MEGF9: variants seen among roughly 807,000 people sequenced by gnomAD.
MEGF9 encodes multiple epidermal growth factor-like domains protein 9.
Under a neutral mutation model 46.8 loss-of-function variants are expected in MEGF9, and 6 were observed. That is an observed-to-expected ratio of 0.13 (90% CI 0.07 to 0.25). MEGF9 has a LOEUF of 0.25. MEGF9 is among the 10% of genes least tolerant of loss of function. The probability of loss-of-function intolerance (pLI) is 1.00; values close to 1 mark genes in which losing one functional copy is unlikely to be tolerated. For synonymous variants in MEGF9, 302 were observed against 330.7 expected (o/e 0.91, Z 0.94); for missense variants, 683 against 792.4 (o/e 0.86, Z 1.66).
At chr9:120,650,071 C>G (rs1419545929) in intron 2 of MEGF9, among the ~76,000 whole-genome samples, 1 of 152,060 alleles carries the variant, frequency 6.6e-6, no homozygotes, top group African/African-American at 2.4e-5. Flanking sequence ...TCAAGACCAG[C>G]CTGGCCAAGA....
At chr9:120,620,732 C>G (rs1777688731) in intron 3 of MEGF9, among the ~76,000 whole-genome samples, 1 of 151,948 alleles carries the variant, frequency 6.6e-6, no homozygotes, top group African/African-American at 2.4e-5. Flanking sequence ...TATGAGAACC[C>G]TGGGACCAGG....
chr9:120,604,969 AC>A lies in MEGF9; in HGVS notation c.*220del. 1 of 566,252 alleles carries A rather than the reference AC, an allele frequency of 1.8e-6. No homozygotes were observed. The highest frequency in any genetic ancestry group is 3.1e-6 in the Non-Finnish European group (1 of 323,552). 35.1% of individuals were successfully genotyped at this position (566,252 alleles called of 1,614,324 possible). A position where few individuals can be genotyped will look rare whatever the true frequency, so the allele number is the denominator to read the frequency against. On this transcript the variant is annotated 3_prime_UTR_variant, in exon 6 of 6. Coordinates refer to ENST00000373930, the MANE Select transcript of MEGF9 (RefSeq NM_001080497.3). ...CCCATGTGGTTTGGTACAAAAATAT[AC>A]TTTACTTCAAGTCCTAATGACAGTG...
At chr9:120,649,374 C>T (rs1179979377) in intron 2 of MEGF9, among the ~76,000 whole-genome samples, 1 of 152,084 alleles carries the variant, frequency 6.6e-6, no homozygotes, top group Non-Finnish European at 1.5e-5. Flanking sequence ...GCATGTTCTC[C>T]CCATGTCGGT....
At chr9:120,660,146 TTAAAA>T (rs2043695695) in intron 1 of MEGF9, among the ~76,000 whole-genome samples, 1 of 152,274 alleles carries the variant, frequency 6.6e-6, no homozygotes, top group Non-Finnish European at 1.5e-5. Flanking sequence ...CTTTCCCAAA[TTAAAA>T]TATTTGGAAA....
At chr9:120,612,133 T>C (rs1046085311) in intron 4 of MEGF9, among the ~76,000 whole-genome samples, 1 of 152,156 alleles carries the variant, frequency 6.6e-6, no homozygotes, top group Admixed American at 6.6e-5. Flanking sequence ...TAGTAAATGT[T>C]ACCTTGAAAT....
At chr9:120,681,318 T>C (rs925812708) in intron 1 of MEGF9, among the ~76,000 whole-genome samples, 4 of 152,066 alleles carry the variant, frequency 2.6e-5, no homozygotes, top group Non-Finnish European at 5.9e-5. Context: ...TGTCTAGAAA[T>C]GTTGTCTGGG....
Position 120,612,516 on chromosome 9 carries a change from T to G in MEGF9, c.967A>C (p.Asn323His). 6.2e-7 allele frequency: 1 copy of G among 1,612,042 alleles called. No individual in the cohort carries two copies. ...LTGACLNCQE[N>H]SKGNHCEECK... ...TCTTCACAGTGATTTCCTTTGCTAT[T>G]TTCCTGGCAGTTTAAACAAGCACCT... Residue 323 changes from asparagine (N) to histidine (H), a missense_variant, in exon 4 of 6, where the codon AAT (asparagine) becomes CAT (histidine). Physicochemically the swap from Asn to His is moderately conservative, Grantham distance 68. Transcript: ENST00000373930.
intron 1 of MEGF9, among the ~76,000 whole-genome samples, chr9:120,663,656 A>AT (rs1168453495): frequency 6.6e-6 from 1 of 152,232 alleles, no homozygotes; most frequent in Non-Finnish European, 1.5e-5. Flanking sequence ...GAATGAAACA[A>AT]TATGAAGAGG....
intron 1 of MEGF9, among the ~76,000 whole-genome samples, chr9:120,684,310 G>A (rs1025461113): frequency 2.6e-5 from 4 of 152,182 alleles, no homozygotes; most frequent in Non-Finnish European, 5.9e-5. Context: ...CTCCAAGGTC[G>A]AAAATATACC....
chr9:120,624,265 T>C (rs2043513770), intron 2 of MEGF9, among the ~76,000 whole-genome samples: 1 of 152,182 alleles, frequency 6.6e-6, no homozygotes, highest in Admixed American at 6.5e-5. Context: ...AAGGGTCTCA[T>C]TTAGTCCCCT....
intron 2 of MEGF9, among the ~76,000 whole-genome samples, chr9:120,648,125 T>C (rs1028227752): frequency 6.6e-6 from 1 of 152,154 alleles, no homozygotes; most frequent in Non-Finnish European, 1.5e-5. Flanking sequence ...GAGCCCACTC[T>C]TTCTAACCAC....
At chr9:120,659,788 AGTGTGTGTGT>A (rs67080202) in intron 1 of MEGF9, among the ~76,000 whole-genome samples, 113 of 143,126 alleles carry the variant, frequency 7.9e-4, no homozygotes, top group East Asian at 1.0e-3. Flanking sequence ...TGTGTGTGAC[AGTGTGTGTGT>A]GTGTGTGTGT....
intron 2 of MEGF9, among the ~76,000 whole-genome samples, chr9:120,650,226 A>C (rs2043643735): frequency 6.6e-6 from 1 of 152,178 alleles, no homozygotes; most frequent in Non-Finnish European, 1.5e-5. Flanking sequence ...AAAAAGCCTC[A>C]AATCAATGTG....
chr9:120,614,556 T>G (rs920163165), intron 3 of MEGF9, among the ~76,000 whole-genome samples: 1 of 152,180 alleles, frequency 6.6e-6, no homozygotes, highest in Non-Finnish European at 1.5e-5. Flanking sequence ...TCTCTTTAGC[T>G]ATGTATCTTT....
At chr9:120,682,882 C>CT (rs375458354) in intron 1 of MEGF9, among the ~76,000 whole-genome samples, 265 of 152,216 alleles carry the variant, frequency 1.7e-3, no homozygotes, top group African/African-American at 6.0e-3. Context: ...GCACCCAGCC[C>CT]TTACACATAG....
chr9:120,626,602 C>G (rs1410107192), intron 2 of MEGF9, among the ~76,000 whole-genome samples: 1 of 152,168 alleles, frequency 6.6e-6, no homozygotes, highest in African/African-American at 2.4e-5. Context: ...TTTTTAAAGA[C>G]TCTGTTTAAG....
chr9:120,637,790 CAAAAAAAAAAAAA>C (rs34861368), intron 2 of MEGF9, among the ~76,000 whole-genome samples: 3 of 34,776 alleles, frequency 8.6e-5, no homozygotes, highest in East Asian at 1.4e-3. Flanking sequence ...GACTCTGTCT[CAAAAAAAAAAAAA>C]AAAAAAAAAA....
chr9:120,611,219 C>T (rs1409693390), intron 4 of MEGF9, among the ~76,000 whole-genome samples: 2 of 152,116 alleles, frequency 1.3e-5, no homozygotes, highest in Admixed American at 6.5e-5. Flanking sequence ...ATAGTTACTA[C>T]AGGACCCAGG....
intron 2 of MEGF9, among the ~76,000 whole-genome samples, chr9:120,657,474 C>A (rs2043682181): frequency 6.6e-6 from 1 of 152,190 alleles, no homozygotes; most frequent in Admixed American, 6.5e-5. Flanking sequence ...TTAATCCTTC[C>A]TTTATTTCTT....
Sources: allele counts gnomAD v4.1 joint callset (sites outside exome capture counted in the v4.1 genomes callset), GRCh38; gene constraint gnomAD v4.1.1; transcripts MANE v1.5; gene names NCBI Gene and HGNC (gene_info 2026-07-23, HGNC 2026-07-21).